ATL1: variants seen among roughly 807,000 people sequenced by gnomAD.
ATL1 encodes atlastin-1.
In ATL1, 31 loss-of-function variants were observed where a neutral mutation model predicts 75.5. The ratio of observed to expected loss-of-function variants is 0.41; its 90% CI spans 0.31 to 0.55. The LOEUF is 0.55. Ranked by LOEUF, ATL1 falls within the 20% of genes least tolerant of loss-of-function variation. ATL1 has a pLI of 0.27. For synonymous variants in ATL1, 226 were observed against 233.3 expected, an observed-to-expected ratio of 0.97 and a Z score of 0.28; for missense variants, 405 against 662.6, an observed-to-expected ratio of 0.61 and a Z score of 4.27.
intron 1 of ATL1, 199 bp downstream of exon 1, chr14:50,560,498 G>A: frequency 2.9e-6 from 2 of 685,108 alleles, no homozygotes; most frequent in Non-Finnish European, 5.0e-6. Context: ...TCGCGCTGTC[G>A]GGGTGAGGGC....
At chr14:50,606,263 A>G (rs2039316378) in intron 6 of ATL1, among the ~76,000 whole-genome samples, 1 of 151,960 alleles carries the variant, frequency 6.6e-6, no homozygotes, top group Non-Finnish European at 1.5e-5. Flanking sequence ...TTATTCTTAC[A>G]TGTCCAAAGT....
At chr14:50,539,835 A>G (rs2038538599) in intron 1 of ATL1, among the ~76,000 whole-genome samples, 1 of 152,212 alleles carries the variant, frequency 6.6e-6, no homozygotes, top group Non-Finnish European at 1.5e-5. Context: ...GTTCTCAATA[A>G]TAGCTTACAA....
intron 1 of ATL1, chr14:50,572,077 T>C: frequency 1.9e-6 from 1 of 534,704 alleles, no homozygotes. Context: ...CTGCCACCAT[T>C]TAATTTCAGT....
chr14:50,624,111 G>A (rs770080600), intron 11 of ATL1, among the ~76,000 whole-genome samples: 6 of 151,128 alleles, frequency 4.0e-5, no homozygotes, highest in South Asian at 4.2e-4. Context: ...TTAGAATGAA[G>A]GAAAATGTAG....
chr14:50,599,310 T>C (rs936363993), intron 6 of ATL1, among the ~76,000 whole-genome samples: 2 of 152,176 alleles, frequency 1.3e-5, no homozygotes, highest in African/African-American at 2.4e-5. Flanking sequence ...TAATACATTT[T>C]TGAAGGGATG....
chr14:50,558,156 T>C (rs781015744), upstream of ATL1, among the ~76,000 whole-genome samples: 74 of 152,136 alleles, frequency 4.9e-4, no homozygotes, highest in Non-Finnish European at 9.1e-4. Flanking sequence ...CTTGAGCTCA[T>C]GAGTTTGAGA....
At position 50,632,407 on chromosome 14, in the gene ATL1, C is replaced by T; in HGVS notation, c.*68C>T. 1 of 1,078,568 alleles carries T rather than the reference C, an allele frequency of 9.3e-7. No individual in the cohort carries two copies. 66.8% of individuals were successfully genotyped at this position (1,078,568 alleles called of 1,614,324 possible). ...AAATATTCAGTTTTATGTCTCCATG[C>T]AAACATTCAAAGTGCTTCCATCAGA... On this transcript the variant is annotated 3_prime_UTR_variant, in exon 14 of 14. Transcript: ENST00000358385.
chr14:50,614,075 T>C (rs2039391907), intron 7 of ATL1, among the ~76,000 whole-genome samples: 1 of 152,164 alleles, frequency 6.6e-6, no homozygotes, highest in South Asian at 2.1e-4. Flanking sequence ...AATTTGAATT[T>C]GTAGAAACTA....
intron 1 of ATL1, among the ~76,000 whole-genome samples, chr14:50,543,173 TA>T (rs1278255126): frequency 3.3e-5 from 5 of 152,262 alleles, no homozygotes; most frequent in African/African-American, 9.6e-5. Context: ...AATAGGAATG[TA>T]AGCTAACATT....
At chr14:50,560,517 C>G (rs1206173118) in intron 1 of ATL1, 1 of 608,720 alleles carries the variant, frequency 1.6e-6, no homozygotes, top group South Asian at 1.9e-5. Flanking sequence ...GCTGCAGCTT[C>G]GCGCAGGCCG....
chr14:50,574,517 A>G (rs1007380134), intron 1 of ATL1, among the ~76,000 whole-genome samples: 3 of 152,210 alleles, frequency 2.0e-5, no homozygotes, highest in African/African-American at 7.2e-5. Flanking sequence ...CATTTTCAAT[A>G]TAGCTGACTC....
At position 50,595,473 on chromosome 14, in the gene ATL1, G is replaced by T. The variant is rs1162075671; in HGVS notation, c.574-103G>T. ...TATTCTGTTATACCTAGAGGGAAAAGTAAATGAAAGAAAGCCAAGAATTAA... is the reference window on the plus strand; with the variant it reads ...TATTCTGTTATACCTAGAGGGAAAATTAAATGAAAGAAAGCCAAGAATTAA... On this transcript the variant is annotated intron_variant, in intron 5 of 13. Coordinates refer to ENST00000358385, the MANE Select transcript of ATL1 (RefSeq NM_015915.5). The T allele has an allele frequency of 2.9e-6, 3 of 1,050,864 alleles. No homozygotes were observed. In the East Asian group the frequency reaches 7.4e-5, roughly 26 times the overall value. 65.1% of individuals were successfully genotyped at this position (1,050,864 alleles called of 1,614,324 possible). A position where few individuals can be genotyped will look rare whatever the true frequency, so the allele number is the denominator to read the frequency against.
chr14:50,616,030 G>C (rs1338322614), intron 8 of ATL1, among the ~76,000 whole-genome samples: 1 of 152,148 alleles, frequency 6.6e-6, no homozygotes, highest in African/African-American at 2.4e-5. Context: ...GTCTCACTCT[G>C]TGGCCCAGGC....
intron 9 of ATL1, 29 bp downstream of exon 9, chr14:50,620,755 G>T: frequency 6.2e-7 from 1 of 1,610,644 alleles, no homozygotes; most frequent in South Asian, 1.1e-5. Flanking sequence ...GAGCATTCGT[G>T]GGATAGATTT....
chr14:50,580,827 G>A (rs1162527938), intron 1 of ATL1, among the ~76,000 whole-genome samples: 4 of 152,054 alleles, frequency 2.6e-5, no homozygotes, highest in African/African-American at 9.7e-5. Context: ...GGGAAGCTGA[G>A]CCTGGAATTT....
chr14:50,536,180 C>G (rs1566703108), intron 1 of ATL1, among the ~76,000 whole-genome samples: 1 of 152,210 alleles, frequency 6.6e-6, no homozygotes, highest in African/African-American at 2.4e-5. Flanking sequence ...CGCCATGGCC[C>G]ATGCCTGTAA....
At chr14:50,586,526 A>C (rs2039103535) in intron 1 of ATL1, among the ~76,000 whole-genome samples, 1 of 152,178 alleles carries the variant, frequency 6.6e-6, no homozygotes, top group African/African-American at 2.4e-5. Flanking sequence ...CCTCATCTCT[A>C]ACATTGGGGA....
Position 50,587,868 on chromosome 14 carries a change from A to G in ATL1, c.72A>G (p.Glu24=). ...FSEKTYEWSS[E]EEEPVKKAGP... ...AAAAGACATATGAATGGAGCTCAGAAGAGGAGGAGCCAGTGAAAAAGGCAG... is the reference window on the plus strand; with the variant it reads ...AAAAGACATATGAATGGAGCTCAGAGGAGGAGGAGCCAGTGAAAAAGGCAG... The change falls in exon 2 of 14, where the codon GAA becomes GAG. Residue 24 remains glutamate, a synonymous_variant. Transcript: ENST00000358385. The G allele has an allele frequency of 6.2e-7, 1 of 1,614,204 alleles. No homozygotes were observed. Among genetic ancestry groups the G allele is most frequent in the Middle Eastern group, 1.6e-4 (1 of 6,062 alleles).
chr14:50,561,271 T>A (rs957706798), intron 1 of ATL1: 3 of 152,266 alleles, frequency 2.0e-5, no homozygotes, highest in Non-Finnish European at 4.4e-5. Flanking sequence ...GGTTCCCGAT[T>A]TCTTGCAGTC....
Sources: gnomAD v4.1 joint callset for allele counts (sites outside exome capture counted in the v4.1 genomes callset) on GRCh38, gnomAD v4.1.1 for gene constraint, MANE v1.5 for transcripts, NCBI Gene and HGNC (gene_info 2026-07-23, HGNC 2026-07-21) for gene names.